The following SBNO1 variants were observed in gnomAD, a reference collection of about 807,000 sequenced individuals.
SBNO1 encodes protein strawberry notch homolog 1.
A neutral mutation model predicts 173.6 loss-of-function variants in SBNO1; 23 were observed. The observed-to-expected ratio is 0.13, with a 90% CI of 0.10 to 0.19. The LOEUF (loss-of-function observed/expected upper bound fraction) is 0.19, where lower values mean the gene tolerates loss of function less well. SBNO1 is among the 10% of genes least tolerant of loss of function. The pLI, the probability that SBNO1 is intolerant of heterozygous loss-of-function variation, is 1.00. For missense variants in SBNO1, 1,238 were observed against 1,671.2 expected (o/e 0.74, Z 4.52); for synonymous variants, 632 against 571.5 (o/e 1.11, Z -1.51).
At chr12:123,329,002 G>A in intron 9 of SBNO1, 107 bp from the exon 10 acceptor site, 1 of 612,002 alleles carries the variant, frequency 1.6e-6, no homozygotes, top group Non-Finnish European at 2.7e-6. Context: ...GCCCATGACA[G>A]GCTTCAGAAA....
chr12:123,321,179 T>TCCA (rs1295961817), intron 17 of SBNO1, among the ~76,000 whole-genome samples: 1 of 152,152 alleles, frequency 6.6e-6, no homozygotes, highest in East Asian at 1.9e-4. Flanking sequence ...CCTCAGGTGA[T>TCCA]CCACCCACCT....
Position 123,309,481 on chromosome 12 carries a change from A to G in SBNO1, c.3537+8T>C. On this transcript the variant is annotated splice_region_variant and intron_variant, in intron 27 of 31. Coordinates refer to ENST00000602398, the MANE Select transcript of SBNO1 (RefSeq NM_001167856.3). Reference sequence around the variant, plus strand: ...AAGACGATACTTCACAACATTTTCTAAACTTACTGTGTATAATTCTACGTG... The same window carrying G: ...AAGACGATACTTCACAACATTTTCTGAACTTACTGTGTATAATTCTACGTG... The G allele has an allele frequency of 6.2e-7, 1 of 1,608,760 alleles. No homozygotes were observed. The highest frequency in any genetic ancestry group is 2.2e-5 in the East Asian group (1 of 44,834).
rs2049000968 is a variant in SBNO1 at position 123,309,402 on chromosome 12, T to C, written c.3538A>G (p.Ile1180Val). The C allele has an allele frequency of 6.2e-7, 1 of 1,613,584 alleles. No homozygotes were observed. Among genetic ancestry groups the C allele is most frequent in the Non-Finnish European group, 8.5e-7 (1 of 1,179,486 alleles). Reference protein sequence around the residue: ...STSGHVELYTISVERGMSWEE... With the variant: ...STSGHVELYTVSVERGMSWEE... ...CATGACATTCCCCTCTCTACACTAA[T>C]CTGTAAGAGAAACAACGAAATTTAA... is the stretch of plus-strand genomic sequence containing the variant. The change falls in exon 28 of 32, where the codon ATT (isoleucine) becomes GTT (valine). Residue 1180 changes from isoleucine to valine, a missense_variant and splice_region_variant. Ile to Val is a conservative substitution (Grantham distance 29). This residue lies in a region of SBNO1 where 351 missense variants were observed against 420.3 expected (regional missense o/e 0.84). Coordinates refer to ENST00000602398, the MANE Select transcript of SBNO1 (RefSeq NM_001167856.3).
rs1157382377 is a variant in SBNO1, at chr12:123,291,133, G to C, written c.*4775C>G. The C allele has an allele frequency of 6.6e-6, 1 of 152,168 alleles. No homozygotes were observed. The highest frequency in any genetic ancestry group is 1.9e-4 in the East Asian group (1 of 5,200). The allele number at this position is 152,168 out of a possible 1,614,324, so 9.4% of individuals were successfully genotyped here. A position where few individuals can be genotyped will look rare whatever the true frequency, so the allele number is the denominator to read the frequency against. Reference sequence around the variant, plus strand: ...AAATATCCTCAACAGGTTATAAACAGCAGCAGGCTACCTGTGTTCATTGCA... The same window carrying C: ...AAATATCCTCAACAGGTTATAAACACCAGCAGGCTACCTGTGTTCATTGCA... On this transcript the variant is annotated 3_prime_UTR_variant, in exon 32 of 32. Transcript: ENST00000602398.
intron 24 of SBNO1, 100 bp from the exon 25 acceptor site, chr12:123,311,229 T>A (rs1163694335): frequency 8.7e-6 from 7 of 807,178 alleles, no homozygotes; most frequent in Admixed American, 6.4e-5. Flanking sequence ...CATGCCATTT[T>A]AAAAAAACAC....
intron 15 of SBNO1, among the ~76,000 whole-genome samples, chr12:123,324,137 A>C (rs1870324089): frequency 6.6e-6 from 1 of 152,270 alleles, no homozygotes; most frequent in African/African-American, 2.4e-5. Context: ...CATATGTTTT[A>C]TGTTATTTTC....
At chr12:123,296,647 G>A (rs757117024) in intron 31 of SBNO1, among the ~76,000 whole-genome samples, 4 of 150,436 alleles carry the variant, frequency 2.7e-5, no homozygotes, top group Admixed American at 2.0e-4. Context: ...TGCAACCTCC[G>A]CCTCCCGGGT....
intron 20 of SBNO1, among the ~76,000 whole-genome samples, chr12:123,318,054 C>G (rs912739390): frequency 2.0e-5 from 3 of 152,190 alleles, no homozygotes; most frequent in Non-Finnish European, 2.9e-5. Flanking sequence ...TTTCACCTCT[C>G]AAGCTCAAGT....
chr12:123,310,505 T>C (rs2049025566), intron 25 of SBNO1, among the ~76,000 whole-genome samples: 2 of 152,012 alleles, frequency 1.3e-5, no homozygotes, highest in South Asian at 4.1e-4. Context: ...GTGATGGGAT[T>C]ACAGGCGTGA....
In SBNO1 at chr12:123,327,944, T is replaced by C; in HGVS notation, c.1380A>G (p.Leu460=). ...SKPTKTGLAV[L]ELQNKLPKAR... The stretch of plus-strand genomic sequence containing the variant: ...CTTTTGGCAATTTGTTCTGAAGCTC[T>C]AAAACTGCTAAGCCTGTCTTGGTTG... Residue 460 remains leucine, a synonymous_variant, in exon 11 of 32, where the codon TTA becomes TTG. Transcript: ENST00000602398. 6.2e-7 allele frequency: 1 copy of C among 1,613,448 alleles called. No homozygotes were observed. Among genetic ancestry groups the C allele is most frequent in the Non-Finnish European group, 8.5e-7 (1 of 1,179,520 alleles).
chr12:123,309,639 C>A, intron 26 of SBNO1, 56 bp from the exon 27 acceptor site: 1 of 1,598,418 alleles, frequency 6.3e-7, no homozygotes, highest in Middle Eastern at 1.7e-4. Flanking sequence ...ATCAGGTACA[C>A]ACGTTTAAAG....
chr12:123,310,818 C>T (rs929870205), intron 25 of SBNO1, among the ~76,000 whole-genome samples: 1 of 152,124 alleles, frequency 6.6e-6, no homozygotes, highest in Non-Finnish European at 1.5e-5. Flanking sequence ...CAGGCGTGAG[C>T]CACCGTGCCC....
At position 123,302,251 on chromosome 12, in the gene SBNO1, T is replaced by G. The variant is rs199901333; in HGVS notation, c.3845+573A>C. Among the ~76,000 whole-genome samples, 16 of 101,524 alleles carry G rather than the reference T, an allele frequency of 1.6e-4. No individual in the cohort carries two copies. In the East Asian group the frequency reaches 2.3e-3, roughly 15 times the overall value. The allele number at this position is 101,524 out of a possible 152,430, so 66.6% of individuals were successfully genotyped here. On this transcript the variant is annotated intron_variant, in intron 30 of 31. Coordinates refer to ENST00000602398, the MANE Select transcript of SBNO1 (RefSeq NM_001167856.3). ...CCTGGCCTTATTGTTTTTTTTTTTG[T>G]TTTTTTTTTTTAATGGAGTCTCGCT...
At chr12:123,354,125 TG>T (rs1269762024) in intron 1 of SBNO1, among the ~76,000 whole-genome samples, 1 of 152,150 alleles carries the variant, frequency 6.6e-6, no homozygotes, top group African/African-American at 2.4e-5. Flanking sequence ...AGAAACTTTT[TG>T]ATGTTCATGT....
At chr12:123,329,501 T>A (rs941375097) in intron 9 of SBNO1, among the ~76,000 whole-genome samples, 1 of 152,084 alleles carries the variant, frequency 6.6e-6, no homozygotes, top group South Asian at 2.1e-4. Flanking sequence ...ACATTTATTG[T>A]GCACTTACTA....
In SBNO1 at chr12:123,329,486, TACAA is replaced by T. The variant is rs1870956759; in HGVS notation, c.1135-595_1135-592del. Among the ~76,000 whole-genome samples, 2 of 151,936 alleles carry T rather than the reference TACAA, an allele frequency of 1.3e-5. 1 individual carries two copies. ...CCTATAAGAATAAAAAGTCACAATTTACAAACATTTATTGTGCACTTACTATATG... is the reference window on the plus strand; with the variant it reads ...CCTATAAGAATAAAAAGTCACAATTTACATTTATTGTGCACTTACTATATG... On this transcript the variant is annotated intron_variant, in intron 9 of 31. Coordinates refer to ENST00000602398, the MANE Select transcript of SBNO1 (RefSeq NM_001167856.3).
At chr12:123,328,513 ATATC>A (rs1870837896) in intron 10 of SBNO1, among the ~76,000 whole-genome samples, 1 of 152,198 alleles carries the variant, frequency 6.6e-6, no homozygotes, top group Non-Finnish European at 1.5e-5. Flanking sequence ...AGTATTCCTC[ATATC>A]TATTAACATT....
At chr12:123,339,008 G>C (rs1872224393) in intron 5 of SBNO1, among the ~76,000 whole-genome samples, 1 of 148,186 alleles carries the variant, frequency 6.7e-6, no homozygotes. Flanking sequence ...AAAAACTTTT[G>C]GTATATAATG....
At chr12:123,296,192 T>A in intron 31 of SBNO1, 142 bp from the exon 32 acceptor site, 1 of 586,142 alleles carries the variant, frequency 1.7e-6, no homozygotes, top group Non-Finnish European at 3.1e-6. Flanking sequence ...ACCTAATAAA[T>A]GAAATGGCCA....
Sources: allele counts gnomAD v4.1 joint callset (sites outside exome capture counted in the v4.1 genomes callset), GRCh38; gene constraint gnomAD v4.1.1; regional missense constraint gnomAD v4.1.1; transcripts MANE v1.5; gene names NCBI Gene and HGNC (gene_info 2026-07-23, HGNC 2026-07-21).